The following KIFC3 variants were observed in gnomAD, a reference collection of about 807,000 sequenced individuals.
KIFC3 encodes the protein kinesin family member C3.
In KIFC3, 60 loss-of-function variants were observed where a neutral mutation model predicts 101.8. The ratio of observed to expected loss-of-function variants is 0.59; its 90% confidence interval spans 0.48 to 0.73. KIFC3 has a LOEUF of 0.73. KIFC3 is among the 30% of genes least tolerant of loss of function. The pLI, the probability that KIFC3 is intolerant of heterozygous loss-of-function variation, is 0.00. For missense variants in KIFC3, 966 were observed against 1,137.1 expected, an observed-to-expected ratio of 0.85 and a Z score of 2.16; for synonymous variants, 476 against 482.7, an observed-to-expected ratio of 0.99 and a Z score of 0.18.
intron 1 of KIFC3, among the ~76,000 whole-genome samples, chr16:57,847,884 C>G (rs2055968119): frequency 6.6e-6 from 1 of 151,642 alleles, no homozygotes; most frequent in Non-Finnish European, 1.5e-5. Flanking sequence ...CTCCGAGATT[C>G]AAGCAATTCT....
At chr16:57,792,219 G>C (rs969026346) in intron 3 of KIFC3, among the ~76,000 whole-genome samples, 10 of 152,260 alleles carry the variant, frequency 6.6e-5, no homozygotes, top group East Asian at 5.8e-4. Context: ...GGCTTTCTTG[G>C]GGGGTGGGCC....
At chr16:57,795,431 G>A (rs1425291567) in intron 2 of KIFC3, among the ~76,000 whole-genome samples, 1 of 152,216 alleles carries the variant, frequency 6.6e-6, no homozygotes, top group Non-Finnish European at 1.5e-5. Flanking sequence ...GTGGCTTTTG[G>A]GGCAGGCATC....
intron 1 of KIFC3, among the ~76,000 whole-genome samples, chr16:57,826,946 C>G (rs2055471416): frequency 6.6e-6 from 1 of 152,204 alleles, no homozygotes; most frequent in Non-Finnish European, 1.5e-5. Context: ...ACACTGGGGC[C>G]TGCTGCAGAC....
chr16:57,770,834 C>T (rs2051075278), intron 6 of KIFC3, 134 bp from the exon 7 acceptor site: 1 of 778,312 alleles, frequency 1.3e-6, no homozygotes, highest in South Asian at 2.7e-5. Context: ...ACTAGAGGAG[C>T]CTTGAGGTCC....
intron 1 of KIFC3, among the ~76,000 whole-genome samples, chr16:57,835,019 C>G (rs1347642158): frequency 2.0e-5 from 3 of 152,200 alleles, no homozygotes; most frequent in Non-Finnish European, 4.4e-5. Context: ...AAAAATGCAA[C>G]AGAAAAGCTG....
In KIFC3 at chr16:57,787,416, C is replaced by T. The variant is rs143565907; in HGVS notation, c.315+7583G>A. ...CTCATCCAGAACACTGCTCACGCCA[C>T]GGGATGTCACCCCTGCAGGGGCTCG... On this transcript the variant is annotated intron_variant, in intron 3 of 19. Coordinates refer to ENST00000445690, the MANE Select transcript of KIFC3 (RefSeq NM_001130100.2). Among the ~76,000 whole-genome samples, 15 of 152,346 alleles carry T rather than the reference C, an allele frequency of 9.8e-5. No homozygotes were observed. The East Asian group carries it at 2.1e-3, about 22-fold the overall frequency.
In KIFC3 at chr16:57,771,755, G is replaced by C; in HGVS notation, c.382-69C>G. 8 of 1,527,140 alleles carry C rather than the reference G, an allele frequency of 5.2e-6. No homozygotes were observed. The South Asian group carries it at 8.5e-5, about 16-fold the overall frequency. 94.6% of individuals were successfully genotyped at this position (1,527,140 alleles called of 1,614,324 possible). ...ATGACGGGGGAAAGAAGAGAGGCCCGCGGAGATGGCACAAGGGCAGGGAAG... is the reference window on the plus strand; with the variant it reads ...ATGACGGGGGAAAGAAGAGAGGCCCCCGGAGATGGCACAAGGGCAGGGAAG... On this transcript the variant is annotated intron_variant, in intron 4 of 19. Coordinates refer to ENST00000445690, the MANE Select transcript of KIFC3 (RefSeq NM_001130100.2).
At chr16:57,855,771 C>T (rs560073767) in intron 1 of KIFC3, among the ~76,000 whole-genome samples, 1 of 151,890 alleles carries the variant, frequency 6.6e-6, no homozygotes, top group South Asian at 2.1e-4. Context: ...CATGGCAAAA[C>T]CATGTCTCTA....
chr16:57,769,404 G>A lies in KIFC3; in HGVS notation c.1218+191C>T, dbSNP rs1555605391. ...AAGAATCATAGTAAGACAAATAGCCGAATGCCTGCCCTGAGCAGTCTAGTT... is the reference window on the plus strand; with the variant it reads ...AAGAATCATAGTAAGACAAATAGCCAAATGCCTGCCCTGAGCAGTCTAGTT... On this transcript the variant is annotated intron_variant, in intron 9 of 19. Transcript: ENST00000445690. The surrounding 1 kb of genome is among the most constrained non-coding windows in gnomAD (Gnocchi z 4.3). 1.3e-5 allele frequency among the ~76,000 whole-genome samples: 2 copies of A among 152,194 alleles called. No individual in the cohort carries two copies. Among genetic ancestry groups the A allele is most frequent in the South Asian group, 2.1e-4 (1 of 4,830 alleles).
chr16:57,793,088 A>T (rs1555620972), intron 3 of KIFC3, among the ~76,000 whole-genome samples: 1 of 150,954 alleles, frequency 6.6e-6, no homozygotes, highest in Non-Finnish European at 1.5e-5. Context: ...GGAGTTCAAG[A>T]CCAGCCTGGC....
At chr16:57,770,020 C>T (rs1338743299) in intron 7 of KIFC3, 65 bp from the exon 8 acceptor site, 42 of 1,555,172 alleles carry the variant, frequency 2.7e-5, no homozygotes, top group East Asian at 2.2e-4. Context: ...GGTGCCACAC[C>T]GAGAAAGAAA....
chr16:57,772,117 T>C (rs1429542779), intron 4 of KIFC3, 106 bp downstream of exon 4: 2 of 902,054 alleles, frequency 2.2e-6, no homozygotes, highest in Admixed American at 4.3e-5. Flanking sequence ...CAGGGTGGGA[T>C]ATGCGGGCTC....
intron 1 of KIFC3, among the ~76,000 whole-genome samples, chr16:57,855,253 T>C (rs892705670): frequency 1.3e-5 from 2 of 151,904 alleles, no homozygotes; most frequent in South Asian, 2.1e-4. Flanking sequence ...GCCTCCCAAG[T>C]AGCTGGGATT....
rs1233743040 is a variant in KIFC3 at position 57,857,974 on chromosome 16, C to A, written c.108+4755G>T. Among the ~76,000 whole-genome samples the A allele has an allele frequency of 3.3e-5, 5 of 151,500 alleles. No individual in the cohort carries two copies. The East Asian group carries it at 5.8e-4, about 18-fold the overall frequency. On this transcript the variant is annotated intron_variant, in intron 1 of 2. Transcript: ENST00000563028. ...CCCGAGTAGCTGGCACATGCCACCC[C>A]ACCCGACTAATTTTTGTATTTTTAG...
rs973348606 is a variant in KIFC3, at chr16:57,758,538, C to T, written c.*396G>A. On this transcript the variant is annotated 3_prime_UTR_variant, in exon 20 of 20. Transcript: ENST00000445690. The stretch of plus-strand genomic sequence containing the variant: ...GTCTGCCCAGAGGCTCCTCGCCCAC[C>T]CCCTAAGGAGGGGGCTGGCCAGCTC... 4 of 589,556 alleles carry T rather than the reference C, an allele frequency of 6.8e-6. No individual in the cohort carries two copies. The highest frequency in any genetic ancestry group is 9.5e-6 in the Non-Finnish European group (3 of 315,746). 36.5% of individuals were successfully genotyped at this position (589,556 alleles called of 1,614,324 possible). A position where few individuals can be genotyped will look rare whatever the true frequency, so the allele number is the denominator to read the frequency against.
chr16:57,849,526 C>T (rs1193091918), intron 1 of KIFC3, among the ~76,000 whole-genome samples: 1 of 152,184 alleles, frequency 6.6e-6, no homozygotes, highest in South Asian at 2.1e-4. Context: ...TTTTAAACTA[C>T]AGAGTTGGTG....
chr16:57,782,902 C>T (rs1338205552), intron 3 of KIFC3, among the ~76,000 whole-genome samples: 1 of 152,182 alleles, frequency 6.6e-6, no homozygotes, highest in Non-Finnish European at 1.5e-5. Context: ...GCCGAGATTG[C>T]GCCATTGCAT....
At position 57,798,094 on chromosome 16, in the gene KIFC3, G is replaced by T; in HGVS notation, c.150C>A (p.Thr50=). 1 of 1,592,294 alleles carries T rather than the reference G, an allele frequency of 6.3e-7. No homozygotes were observed. The highest frequency in any genetic ancestry group is 8.5e-7 in the Non-Finnish European group (1 of 1,169,886). Residue 50 remains threonine, a synonymous_variant, in exon 2 of 20, where the codon ACC becomes ACA. Coordinates refer to ENST00000445690, the MANE Select transcript of KIFC3 (RefSeq NM_001130100.2). ...CACCAGTTCTCAACCTCCCCGGGCCGGTGTGTGGGAAAGGGCGGGCGGCCG... is the reference window on the plus strand; with the variant it reads ...CACCAGTTCTCAACCTCCCCGGGCCTGTGTGTGGGAAAGGGCGGGCGGCCG... ...ASPAARPFPH[T]GPGRLRTGRG...
At chr16:57,818,475 C>T (rs1247030820) in intron 1 of KIFC3, among the ~76,000 whole-genome samples, 3 of 152,196 alleles carry the variant, frequency 2.0e-5, no homozygotes, top group African/African-American at 7.2e-5. Context: ...AGTGATCCTC[C>T]CACCTCAGCC....
Sources: gnomAD v4.1 joint callset for allele counts (sites outside exome capture counted in the v4.1 genomes callset) on GRCh38, gnomAD v4.1.1 for gene constraint, Gnocchi (gnomAD v3.1) non-coding constraint, MANE v1.5 for transcripts, NCBI Gene and HGNC (gene_info 2026-07-23, HGNC 2026-07-21) for gene names.